PPP1R12B: variants seen among roughly 807,000 people sequenced by gnomAD.
PPP1R12B encodes the protein myosin phosphatase target subunit 2.
PPP1R12B carries 76 observed loss-of-function variants against 126.1 expected under a neutral mutation model. That is an observed-to-expected ratio of 0.60 (90% CI 0.50 to 0.73). PPP1R12B has a LOEUF of 0.73. Ranked by LOEUF, PPP1R12B falls within the 30% of genes least tolerant of loss-of-function variation. The probability of loss-of-function intolerance (pLI) is 0.00; values close to 1 mark genes in which losing one functional copy is unlikely to be tolerated. For missense variants in PPP1R12B, 1,052 were observed against 1,205.1 expected (o/e 0.87, Z 1.88); for synonymous variants, 356 against 434.7 (o/e 0.82, Z 2.25).
At chr1:202,377,830 G>GTTTT (rs1661446046) in intron 1 of PPP1R12B, among the ~76,000 whole-genome samples, 2 of 99,310 alleles carry the variant, frequency 2.0e-5, no homozygotes, top group African/African-American at 9.1e-5. Flanking sequence ...TCAAAGACAG[G>GTTTT]TGTTTTTTTT....
chr1:202,471,780 A>C, intron 13 of PPP1R12B: 1 of 1,107,700 alleles, frequency 9.0e-7, no homozygotes, highest in Non-Finnish European at 1.3e-6. Flanking sequence ...GTTCTTTTTT[A>C]AAAAATGGGT....
rs375674506 is a variant in PPP1R12B at position 202,360,874 on chromosome 1, A to G, written c.291+11732A>G. On this transcript the variant is annotated intron_variant, in intron 1 of 23. Transcript: ENST00000608999. ...AGTAAACTTTTTCTACTGTCATTTC[A>G]TATCTTTACCATTAGCTCTTTTTTT... Among the ~76,000 whole-genome samples, 19 of 147,350 alleles carry G rather than the reference A, an allele frequency of 1.3e-4. No homozygotes were observed. In the East Asian group the frequency reaches 2.2e-3, roughly 17 times the overall value.
In PPP1R12B at chr1:202,488,628, G is replaced by T; in HGVS notation, c.1941+5G>T. On this transcript the variant is annotated splice_donor_5th_base_variant and intron_variant, in intron 14 of 23. Coordinates refer to ENST00000608999, the MANE Select transcript of PPP1R12B (RefSeq NM_002481.4). ...CAGACACGAAGGTCTACTCAAGTGAGTGTGGCTTTTTTTAAAATGTCATTT... is the reference window on the plus strand; with the variant it reads ...CAGACACGAAGGTCTACTCAAGTGATTGTGGCTTTTTTTAAAATGTCATTT... 1 of 1,600,288 alleles carries T rather than the reference G, an allele frequency of 6.2e-7. No individual in the cohort carries two copies. The highest frequency in any genetic ancestry group is 8.5e-7 in the Non-Finnish European group (1 of 1,170,142).
At chr1:202,528,117 TA>T (rs2148931534) in intron 18 of PPP1R12B, among the ~76,000 whole-genome samples, 1 of 152,332 alleles carries the variant, frequency 6.6e-6, no homozygotes, top group African/African-American at 2.4e-5. Context: ...ATCCGTAAGA[TA>T]GCTAGGTCAC....
chr1:202,580,388 C>T, intron 23 of PPP1R12B, 86 bp from the exon 24 acceptor site: 1 of 989,998 alleles, frequency 1.0e-6, no homozygotes, highest in Non-Finnish European at 1.6e-6. Context: ...AAAGGCCCTG[C>T]TCACCAGGCT....
In PPP1R12B at chr1:202,580,792, T is replaced by C. The variant is rs1689505622; in HGVS notation, c.*232T>C. 3 of 481,978 alleles carry C rather than the reference T, an allele frequency of 6.2e-6. No individual in the cohort carries two copies. In the Admixed American group the frequency reaches 9.8e-5, roughly 16 times the overall value. 29.9% of individuals were successfully genotyped at this position (481,978 alleles called of 1,614,324 possible). A position where few individuals can be genotyped will look rare whatever the true frequency, so the allele number is the denominator to read the frequency against. ...ATGACAGTTTTAATTGAAGCATGAT[T>C]GTGGTAATTCGAGCCATCTGGAGAA... On this transcript the variant is annotated 3_prime_UTR_variant, in exon 24 of 24. Coordinates refer to ENST00000608999, the MANE Select transcript of PPP1R12B (RefSeq NM_002481.4).
chr1:202,521,138 A>G (rs1682742581), intron 18 of PPP1R12B, among the ~76,000 whole-genome samples: 1 of 152,182 alleles, frequency 6.6e-6, no homozygotes, highest in Non-Finnish European at 1.5e-5. Context: ...CTTGGACCCA[A>G]AATACTTTTG....
intron 13 of PPP1R12B, among the ~76,000 whole-genome samples, chr1:202,468,348 A>G (rs1675339653): frequency 6.6e-6 from 1 of 152,062 alleles, no homozygotes; most frequent in South Asian, 2.1e-4. Flanking sequence ...TAGGGTTTTT[A>G]TGGTTTTAGG....
chr1:202,452,606 G>T (rs544260905), intron 13 of PPP1R12B, among the ~76,000 whole-genome samples: 2 of 152,050 alleles, frequency 1.3e-5, no homozygotes, highest in Non-Finnish European at 2.9e-5. Flanking sequence ...GGGAGAGGGA[G>T]AAGGGGGTTT....
At chr1:202,364,670 G>A (rs941826587) in intron 1 of PPP1R12B, among the ~76,000 whole-genome samples, 25 of 152,166 alleles carry the variant, frequency 1.6e-4, no homozygotes, top group African/African-American at 5.3e-4. Context: ...TCCGCCTCCT[G>A]GGTTCACGCC....
rs1297845037 is a variant in PPP1R12B, at chr1:202,446,251, TA to T, written c.1668-2737del. On this transcript the variant is annotated intron_variant, in intron 12 of 23. Transcript: ENST00000608999. ...CTCTCTCTCTCTATATATATATATA[TA>T]TATATTTTTTTTTTTTTTTGAGATG... Among the ~76,000 whole-genome samples the T allele has an allele frequency of 3.8e-3, 240 of 62,636 alleles. 3 individuals are homozygous for T. Among genetic ancestry groups the T allele is most frequent in the African/African-American group, 0.016 (206 of 13,280 alleles). 41.1% of individuals were successfully genotyped at this position (62,636 alleles called of 152,430 possible). A position where few individuals can be genotyped will look rare whatever the true frequency, so the allele number is the denominator to read the frequency against.
At chr1:202,529,170 G>A (rs1370957354) in intron 18 of PPP1R12B, among the ~76,000 whole-genome samples, 3 of 152,044 alleles carry the variant, frequency 2.0e-5, no homozygotes, top group Non-Finnish European at 2.9e-5. Flanking sequence ...TAGATGGCAC[G>A]TAGACAACTA....
chr1:202,381,644 G>A (rs925312692), intron 1 of PPP1R12B, among the ~76,000 whole-genome samples: 2 of 152,260 alleles, frequency 1.3e-5, no homozygotes. Flanking sequence ...TGTCCAAGAA[G>A]GAAAGTCAGT....
chr1:202,533,597 G>T (rs1221244025), intron 18 of PPP1R12B, among the ~76,000 whole-genome samples: 2 of 152,118 alleles, frequency 1.3e-5, no homozygotes. Flanking sequence ...GAGATTACGG[G>T]CATGAGCCAT....
intron 18 of PPP1R12B, among the ~76,000 whole-genome samples, chr1:202,541,711 C>T (rs114903450): frequency 6.6e-6 from 1 of 152,312 alleles, no homozygotes; most frequent in African/African-American, 2.4e-5. Context: ...CAACAATAAC[C>T]TGTTTGGTGA....
At chr1:202,477,288 A>T (rs1280307568) in intron 13 of PPP1R12B, among the ~76,000 whole-genome samples, 1 of 152,180 alleles carries the variant, frequency 6.6e-6, no homozygotes, top group Non-Finnish European at 1.5e-5. Flanking sequence ...TCACAACTCT[A>T]TTAATATATC....
At chr1:202,371,764 T>C (rs1660305391) in intron 1 of PPP1R12B, among the ~76,000 whole-genome samples, 1 of 152,134 alleles carries the variant, frequency 6.6e-6, no homozygotes, top group African/African-American at 2.4e-5. Context: ...CTTTCCTGAA[T>C]GTTAACATTT....
chr1:202,471,262 T>C (rs1675833427), intron 13 of PPP1R12B, among the ~76,000 whole-genome samples: 1 of 152,230 alleles, frequency 6.6e-6, no homozygotes, highest in Non-Finnish European at 1.5e-5. Context: ...TCATTCTAAA[T>C]GTTTATTTTA....
At position 202,349,139 on chromosome 1, in the gene PPP1R12B, C is replaced by G; in HGVS notation, c.288C>G (p.His96Gln). 1 of 1,613,808 alleles carries G rather than the reference C, an allele frequency of 6.2e-7. No individual in the cohort carries two copies. Reference sequence around the variant, plus strand: ...ACGTGGACGGCTTGACAGCCCTGCACCAGGTAACTCCTTTCTTGGTCTTAG... The same window carrying G: ...ACGTGGACGGCTTGACAGCCCTGCAGCAGGTAACTCCTTTCTTGGTCTTAG... ...TVNVDGLTAL[H>Q]QACIDENLDM... The change falls in exon 1 of 24, where the codon CAC (histidine) becomes CAG (glutamine). Residue 96 changes from histidine to glutamine, a missense_variant. By Grantham distance (24) the His-to-Gln change is conservative. Coordinates refer to ENST00000608999, the MANE Select transcript of PPP1R12B (RefSeq NM_002481.4).
Sources: allele counts gnomAD v4.1 joint callset (sites outside exome capture counted in the v4.1 genomes callset), GRCh38; gene constraint gnomAD v4.1.1; transcripts MANE v1.5; gene names NCBI Gene and HGNC (gene_info 2026-07-23, HGNC 2026-07-21).